ZBTB46: variants seen among roughly 807,000 people sequenced by gnomAD.
ZBTB46 encodes the protein zinc finger and BTB domain-containing protein 46.
A neutral mutation model predicts 44.1 loss-of-function variants in ZBTB46; 8 were observed. The ratio of observed to expected loss-of-function variants is 0.18; its 90% CI spans 0.11 to 0.33. The LOEUF (loss-of-function observed/expected upper bound fraction) is 0.33, where lower values mean the gene tolerates loss of function less well. Ranked by LOEUF, ZBTB46 falls within the 10% of genes least tolerant of loss-of-function variation. ZBTB46 has a pLI of 1.00. For synonymous variants in ZBTB46, 409 were observed against 382.3 expected, an observed-to-expected ratio of 1.07 and a Z score of -0.81; for missense variants, 651 against 847.7, an observed-to-expected ratio of 0.77 and a Z score of 2.88.
intron 1 of ZBTB46, among the ~76,000 whole-genome samples, chr20:63,826,127 T>C (rs1195469285): frequency 6.6e-6 from 1 of 152,276 alleles, no homozygotes; most frequent in Non-Finnish European, 1.5e-5. Context: ...AGGCTTTCTG[T>C]GCAAGAGGCT....
intron 2 of ZBTB46, among the ~76,000 whole-genome samples, chr20:63,776,706 C>T (rs1048386604): frequency 6.6e-6 from 1 of 151,354 alleles, no homozygotes; most frequent in Non-Finnish European, 1.5e-5. Flanking sequence ...CAGTAGGCTG[C>T]GGCAGGAGAA....
chr20:63,818,887 AAAG>A (rs1452693131), intron 1 of ZBTB46, among the ~76,000 whole-genome samples: 21 of 147,282 alleles, frequency 1.4e-4, no homozygotes, highest in Admixed American at 1.4e-4. Context: ...AAAAAAAAAA[AAAG>A]AAGGCCAGGC....
chr20:63,820,443 A>ATAT (rs1568907215), intron 1 of ZBTB46, among the ~76,000 whole-genome samples: 3 of 144,818 alleles, frequency 2.1e-5, no homozygotes, highest in South Asian at 2.2e-4. Context: ...ATATATATAT[A>ATAT]TTTTTTTTTT....
chr20:63,791,016 CGT>C, intron 1 of ZBTB46: 1 of 497,558 alleles, frequency 2.0e-6, no homozygotes, highest in Non-Finnish European at 3.5e-6. Context: ...ACGTCTGCCA[CGT>C]GTTTCCGTGC....
At chr20:63,765,037 G>C (rs933107652) in intron 3 of ZBTB46, among the ~76,000 whole-genome samples, 2 of 47,544 alleles carry the variant, frequency 4.2e-5, no homozygotes, top group Non-Finnish European at 9.2e-5. Context: ...TTGTGTGTGT[G>C]TGCGTGCGTG....
At chr20:63,777,759 C>T (rs1192043903) in intron 2 of ZBTB46, among the ~76,000 whole-genome samples, 2 of 152,232 alleles carry the variant, frequency 1.3e-5, no homozygotes, top group East Asian at 1.9e-4. Flanking sequence ...CATCGATGGA[C>T]GAATGGATAA....
Position 63,757,413 on chromosome 20 carries a change from G to A in ZBTB46, c.1223-4552C>T, listed in dbSNP as rs550564414. 1.1e-4 allele frequency among the ~76,000 whole-genome samples: 17 copies of A among 152,214 alleles called. No individual in the cohort carries two copies. The South Asian group carries it at 3.5e-3, about 32-fold the overall frequency. On this transcript the variant is annotated intron_variant, in intron 3 of 4. Coordinates refer to ENST00000245663, the MANE Select transcript of ZBTB46 (RefSeq NM_001369741.1). Reference sequence around the variant, plus strand: ...GCTGGGATTACAGGTGTGAGCCATCGCGCCTGGCCACGATTCACTTTTTTC... The same window carrying A: ...GCTGGGATTACAGGTGTGAGCCATCACGCCTGGCCACGATTCACTTTTTTC...
At chr20:63,808,131 G>A (rs148260748) in intron 1 of ZBTB46, 1,586 of 153,082 alleles carry the variant, frequency 0.01, 99 homozygotes, top group Admixed American at 0.089. Flanking sequence ...CGCCTGAGCA[G>A]TGAGGAAACC....
intron 1 of ZBTB46, among the ~76,000 whole-genome samples, chr20:63,802,419 C>CAA (rs1187645581): frequency 6.9e-6 from 1 of 144,792 alleles, no homozygotes; most frequent in East Asian, 2.0e-4. Context: ...GAGACCCTCT[C>CAA]AAAAAAAAAA....
intron 1 of ZBTB46, among the ~76,000 whole-genome samples, chr20:63,807,001 C>T (rs940821035): frequency 4.6e-5 from 7 of 152,164 alleles, no homozygotes; most frequent in Non-Finnish European, 1.0e-4. Context: ...CCAGGATAGT[C>T]GCGATCTCCT....
intron 1 of ZBTB46, among the ~76,000 whole-genome samples, chr20:63,827,628 C>CAAAAAAAAAAAAAAAA (rs1176700985): frequency 7.7e-6 from 1 of 129,868 alleles, no homozygotes. Flanking sequence ...AAAAAAAAAA[C>CAAAAAAAAAAAAAAAA]AAAAAAAAAA....
At chr20:63,773,068 C>T (rs577910994) in intron 3 of ZBTB46, among the ~76,000 whole-genome samples, 7 of 152,252 alleles carry the variant, frequency 4.6e-5, no homozygotes, top group East Asian at 3.9e-4. Flanking sequence ...TCGTATGCCA[C>T]GGGTGAAATC....
At chr20:63,831,767 C>T (rs1417102872), upstream of ZBTB46, among the ~76,000 whole-genome samples, 2 of 151,114 alleles carry the variant, frequency 1.3e-5, no homozygotes, top group Non-Finnish European at 3.0e-5. Context: ...GCGCGGGTGC[C>T]CAGGTCACCG....
rs190027999 is a variant in ZBTB46 at position 63,787,639 on chromosome 20, G to A, written c.937+2182C>T. The A allele has an allele frequency of 2.2e-4, 34 of 152,328 alleles. No individual in the cohort carries two copies. The East Asian group carries it at 2.3e-3, about 10-fold the overall frequency. The allele number at this position is 152,328 out of a possible 1,614,324, so 9.4% of individuals were successfully genotyped here. A position where few individuals can be genotyped will look rare whatever the true frequency, so the allele number is the denominator to read the frequency against. Reference sequence around the variant, plus strand: ...CGGCTGCACTTTCTAGTTTTGTGACGGGCGCTCCATGACGCTCCCAGAGCA... The same window carrying A: ...CGGCTGCACTTTCTAGTTTTGTGACAGGCGCTCCATGACGCTCCCAGAGCA... On this transcript the variant is annotated intron_variant, in intron 2 of 4. Transcript: ENST00000245663. This position sits in a 1 kb window ranked among gnomAD's most constrained non-coding sequence, Gnocchi z 4.6.
intron 1 of ZBTB46, 78 bp from the exon 2 acceptor site, chr20:63,790,868 G>A (rs966511476): frequency 2.8e-5 from 41 of 1,445,008 alleles, no homozygotes; most frequent in Admixed American, 5.2e-5. Flanking sequence ...GGGCGCAGGA[G>A]GGCCATGGGG....
chr20:63,789,772 C>G (rs1214467045), intron 2 of ZBTB46, 49 bp downstream of exon 2: 5 of 1,566,102 alleles, frequency 3.2e-6, no homozygotes, highest in Non-Finnish European at 8.6e-7. Flanking sequence ...GGCCGTGAGG[C>G]CTGGACACAC....
chr20:63,770,838 A>G (rs1267926642), intron 3 of ZBTB46, among the ~76,000 whole-genome samples: 2 of 152,230 alleles, frequency 1.3e-5, no homozygotes, highest in African/African-American at 4.8e-5. Flanking sequence ...ACGATGCGCC[A>G]GCCCACGGGG....
At position 63,785,670 on chromosome 20, in the gene ZBTB46, G is replaced by T. The variant is rs141153393; in HGVS notation, c.937+4151C>A. ...TTAATGGAAACAAACTGACCTCCAT[G>T]GGATCATGATCTACTTCCAAACCCC... On this transcript the variant is annotated intron_variant, in intron 2 of 4. Coordinates refer to ENST00000245663, the MANE Select transcript of ZBTB46 (RefSeq NM_001369741.1). 2.3e-3 allele frequency among the ~76,000 whole-genome samples: 346 copies of T among 152,308 alleles called. 12 individuals carry two copies. In the East Asian group the frequency reaches 0.061, roughly 27 times the overall value.
chr20:63,820,097 CT>C (rs199787013), intron 1 of ZBTB46, among the ~76,000 whole-genome samples: 38 of 149,592 alleles, frequency 2.5e-4, no homozygotes, highest in South Asian at 1.3e-3. Context: ...AACAGGCACA[CT>C]TTTTTTTTTG....
Sources: gnomAD v4.1 joint callset for allele counts (sites outside exome capture counted in the v4.1 genomes callset) on GRCh38, gnomAD v4.1.1 for gene constraint, Gnocchi (gnomAD v3.1) non-coding constraint, MANE v1.5 for transcripts, NCBI Gene and HGNC (gene_info 2026-07-23, HGNC 2026-07-21) for gene names.